SBF1: variants seen among roughly 807,000 people sequenced by gnomAD.
SBF1 encodes the protein myotubularin-related protein 5.
A neutral mutation model predicts 215.8 loss-of-function variants in SBF1; 65 were observed. The observed-to-expected ratio is 0.30, with a 90% CI of 0.25 to 0.37. The LOEUF (loss-of-function observed/expected upper bound fraction) is 0.37, where lower values mean the gene tolerates loss of function less well. SBF1 is among the 10% of genes least tolerant of loss of function. The pLI is 1.00. For missense variants in SBF1, 2,634 were observed against 2,667.8 expected, an observed-to-expected ratio of 0.99 and a Z score of 0.28; for synonymous variants, 1,410 against 1,122.8, an observed-to-expected ratio of 1.26 and a Z score of -5.11.
Position 50,460,680 on chromosome 22 carries a change from C to G in SBF1, c.3000G>C (p.Gly1000=), listed in dbSNP as rs2067468969. Residue 1000 remains glycine, a synonymous_variant, in exon 24 of 41, where the codon GGG becomes GGC. Transcript: ENST00000380817. ...LLKMAFDEEV[G]SDSAELFRKQ... ...TACGGAAGAGCTCGGCGCTGTCAGA[C>G]CCCACCTCCTCGTCAAAGGCCATTT... 6.2e-7 allele frequency: 1 copy of G among 1,613,672 alleles called. No individual in the cohort carries two copies. The highest frequency in any genetic ancestry group is 1.7e-5 in the Admixed American group (1 of 60,004).
rs773318957 is a variant in SBF1 at position 50,463,265 on chromosome 22, C to T, written c.1899+18G>A. The T allele has an allele frequency of 1.2e-6, 2 of 1,612,860 alleles. No homozygotes were observed. Among genetic ancestry groups the T allele is most frequent in the African/African-American group, 2.7e-5 (2 of 75,036 alleles). ...CATGCGCCATGAGCCATGTCACTAG[C>T]AGGATAAGAGGCCTCACCTGCAGGC... is the stretch of plus-strand genomic sequence containing the variant. On this transcript the variant is annotated intron_variant, in intron 16 of 40. Coordinates refer to ENST00000380817, the MANE Select transcript of SBF1 (RefSeq NM_002972.4).
chr22:50,461,780 A>T lies in SBF1; in HGVS notation c.2643+16T>A. 3.7e-6 allele frequency: 6 copies of T among 1,612,488 alleles called. No individual in the cohort carries two copies. The highest frequency in any genetic ancestry group is 4.2e-6 in the Non-Finnish European group (5 of 1,179,608). On this transcript the variant is annotated intron_variant, in intron 21 of 40. Transcript: ENST00000380817. ...CCGGGCCTTGGGCCCCCGCAGCCCC[A>T]ACGGCCCCCGCAAACCTTCTGGATG...
intron 28 of SBF1, among the ~76,000 whole-genome samples, chr22:50,457,783 C>T (rs928624793): frequency 2.0e-5 from 3 of 152,236 alleles, no homozygotes; most frequent in African/African-American, 7.2e-5. Context: ...CTCTGGGCGC[C>T]TGGCCCTGCC....
rs1309369428 is a variant in SBF1 at position 50,455,388 on chromosome 22, G to C, written c.4390C>G (p.Leu1464Val). ...AGCGTGCGGTAGAAGGGGTCTGAGA[G>C]CAGCTGCACCAAGGATACCACCTGC... ...TTQVVSLVQLLSDPFYRTLEG... is the reference protein window; with the variant it reads ...TTQVVSLVQLVSDPFYRTLEG... Residue 1464 changes from leucine (L) to valine (V), a missense_variant, in exon 33 of 41, where the codon CTC becomes GTC. Coordinates refer to ENST00000380817, the MANE Select transcript of SBF1 (RefSeq NM_002972.4). The C allele has an allele frequency of 6.2e-7, 1 of 1,612,622 alleles. No individual in the cohort carries two copies. Among genetic ancestry groups the C allele is most frequent in the African/African-American group, 1.3e-5 (1 of 75,004 alleles).
chr22:50,461,330 G>T (rs762726304), intron 22 of SBF1, 44 bp from the exon 23 acceptor site: 113 of 1,549,124 alleles, frequency 7.3e-5, no homozygotes, highest in East Asian at 6.1e-4. Flanking sequence ...AAGGTAAGGG[G>T]GGGGGGGTCC....
At chr22:50,465,167 C>T (rs1432382153) in intron 11 of SBF1, 38 bp from the exon 12 acceptor site, 1 of 1,613,786 alleles carries the variant, frequency 6.2e-7, no homozygotes, top group Middle Eastern at 1.6e-4. Flanking sequence ...CAGGGGTCTC[C>T]ACCATGCGCT....
chr22:50,465,637 T>C, intron 10 of SBF1, 126 bp downstream of exon 10: 1 of 892,700 alleles, frequency 1.1e-6, no homozygotes, highest in East Asian at 2.7e-5. Context: ...GCTCCCAGGC[T>C]CCTGCTTCTG....
intron 10 of SBF1, 101 bp from the exon 11 acceptor site, chr22:50,465,429 G>A (rs1304407717): frequency 1.3e-5 from 13 of 984,724 alleles, no homozygotes; most frequent in African/African-American, 6.6e-5. Context: ...AAGCTGCCCC[G>A]CTCCCATCCT....
intron 36 of SBF1, among the ~76,000 whole-genome samples, chr22:50,448,926 G>A (rs547613188): frequency 5.3e-5 from 8 of 152,264 alleles, no homozygotes; most frequent in South Asian, 4.1e-4. Context: ...CACACACCCC[G>A]GCCAGGCGTG....
chr22:50,471,538 G>A (rs2067995391), intron 1 of SBF1, among the ~76,000 whole-genome samples: 1 of 152,186 alleles, frequency 6.6e-6, no homozygotes, highest in Non-Finnish European at 1.5e-5. Flanking sequence ...TGCTGCTTGT[G>A]GGGAACCCAG....
intron 38 of SBF1, 39 bp downstream of exon 38, chr22:50,448,194 T>C (rs1256950634): frequency 1.3e-6 from 2 of 1,586,884 alleles, no homozygotes; most frequent in East Asian, 4.5e-5. Flanking sequence ...GAACACCAGC[T>C]CAGAGGTGTC....
chr22:50,456,546 G>C lies in SBF1; in HGVS notation c.4032C>G (p.Phe1344Leu). Residue 1344 changes from phenylalanine to leucine, a missense_variant, in exon 30 of 41, where the codon TTC (phenylalanine) becomes TTG (leucine). Coordinates refer to ENST00000380817, the MANE Select transcript of SBF1 (RefSeq NM_002972.4). ...QANGGPPDPG[F>L]LRPQRAALYI... ...AGAGGGCTGCTCGCTGCGGACGCAG[G>C]AAGCCCGGGTCGGGAGGGCCCCCGT... is the stretch of plus-strand genomic sequence containing the variant. 1 of 1,590,412 alleles carries C rather than the reference G, an allele frequency of 6.3e-7. No homozygotes were observed. Among genetic ancestry groups the C allele is most frequent in the South Asian group, 1.1e-5 (1 of 87,520 alleles).
chr22:50,474,963 TCCGCGGCGGCGGCGG>T lies in SBF1; in HGVS notation c.-138_-124del. ...CGCACCCCGGACACCCCTGGTTCGC[TCCGCGGCGGCGGCGG>T]CGGCGGCGGCGGCGGCCCAGGTTCC... On this transcript the variant is annotated 5_prime_UTR_variant, in exon 1 of 41. Transcript: ENST00000380817. 1 of 491,706 alleles carries T rather than the reference TCCGCGGCGGCGGCGG, an allele frequency of 2.0e-6. No homozygotes were observed. The highest frequency in any genetic ancestry group is 2.6e-6 in the Non-Finnish European group (1 of 389,190). 30.5% of individuals were successfully genotyped at this position (491,706 alleles called of 1,614,324 possible). A position where few individuals can be genotyped will look rare whatever the true frequency, so the allele number is the denominator to read the frequency against.
intron 36 of SBF1, among the ~76,000 whole-genome samples, chr22:50,450,156 C>T (rs775004239): frequency 4.4e-4 from 67 of 152,296 alleles, no homozygotes; most frequent in South Asian, 1.0e-3. Context: ...CTCCTTGAGT[C>T]GTTGGCCAAA....
chr22:50,464,977 T>G (rs762703190), intron 12 of SBF1, 24 bp downstream of exon 12: 1 of 1,613,572 alleles, frequency 6.2e-7, no homozygotes, highest in Non-Finnish European at 8.5e-7. Flanking sequence ...GGCAGGGGGC[T>G]GGGAGGGCAG....
At chr22:50,460,862 C>T (rs1361478375) in intron 23 of SBF1, 150 bp from the exon 24 acceptor site, 1 of 961,768 alleles carries the variant, frequency 1.0e-6, no homozygotes, top group Admixed American at 2.7e-5. Context: ...CACACGAAGG[C>T]AAGCGCTTGT....
Position 50,461,537 on chromosome 22 carries a change from G to C in SBF1, c.2825C>G (p.Pro942Arg). 1 of 1,600,842 alleles carries C rather than the reference G, an allele frequency of 6.2e-7. No individual in the cohort carries two copies. The highest frequency in any genetic ancestry group is 2.2e-5 in the East Asian group (1 of 44,512). The change falls in exon 22 of 41, where the codon CCC becomes CGC. Residue 942 changes from proline (P) to arginine (R), a missense_variant. Coordinates refer to ENST00000380817, the MANE Select transcript of SBF1 (RefSeq NM_002972.4). ...TGCAGGCTCACCCAGGGGGTCCGTG[G>C]GCATCCCCGTGAAGATGACCCGGTA... ...TTYRVIFTGM[P>R]TDPLVGEQVV...
chr22:50,460,069 G>T lies in SBF1; in HGVS notation c.3374C>A (p.Ala1125Asp), dbSNP rs371384320. Reference protein sequence around the residue: ...RMTMSSLVERACCRDYQRLGL... With the variant: ...RMTMSSLVERDCCRDYQRLGL... ...GAGGCGCTGGTAGTCGCGACAGCAA[G>T]CCCTTTCCACCAGGCTGCTCATGGT... The change falls in exon 26 of 41, where the codon GCT (alanine) becomes GAT (aspartate). Residue 1125 changes from alanine (A) to aspartate (D), a missense_variant. Coordinates refer to ENST00000380817, the MANE Select transcript of SBF1 (RefSeq NM_002972.4). 38 of 1,613,838 alleles carry T rather than the reference G, an allele frequency of 2.4e-5. 1 individual carries two copies. The Admixed American group carries it at 6.3e-4, about 27-fold the overall frequency.
chr22:50,469,253 T>C (rs1032926549), intron 1 of SBF1, among the ~76,000 whole-genome samples: 3 of 152,214 alleles, frequency 2.0e-5, no homozygotes, highest in Admixed American at 6.5e-5. Context: ...CAAATCTCCC[T>C]GTACAAAGGC....
Sources: gnomAD v4.1 joint callset for allele counts (sites outside exome capture counted in the v4.1 genomes callset) on GRCh38, gnomAD v4.1.1 for gene constraint, MANE v1.5 for transcripts, NCBI Gene and HGNC (gene_info 2026-07-23, HGNC 2026-07-21) for gene names.